MARCHF1: variants seen among roughly 807,000 people sequenced by gnomAD.
MARCHF1 encodes the protein membrane associated ring-CH-type finger 1.
In MARCHF1, 40 loss-of-function variants were observed where a neutral mutation model predicts 54.2. The ratio of observed to expected loss-of-function variants is 0.74; its 90% CI spans 0.57 to 0.96. The LOEUF (loss-of-function observed/expected upper bound fraction) is 0.96, where lower values mean the gene tolerates loss of function less well. Ranked by LOEUF, MARCHF1 falls within the 40% of genes least tolerant of loss-of-function variation. The probability of loss-of-function intolerance (pLI) is 0.00; values close to 1 mark genes in which losing one functional copy is unlikely to be tolerated. For synonymous variants in MARCHF1, 236 were observed against 236.3 expected, an observed-to-expected ratio of 1.00 and a Z score of 0.01; for missense variants, 586 against 656.5, an observed-to-expected ratio of 0.89 and a Z score of 1.17.
chr4:163,934,370 G>A (rs2110731937), intron 3 of MARCHF1, among the ~76,000 whole-genome samples: 1 of 151,880 alleles, frequency 6.6e-6, no homozygotes, highest in South Asian at 2.1e-4. Flanking sequence ...ACAAACCTGG[G>A]CAACATAGAA....
chr4:163,638,504 G>A lies in MARCHF1; in HGVS notation c.163-25111C>T, dbSNP rs147752266. Reference sequence around the variant, plus strand: ...TGATTGAAAGTTTCCTGAGGCCCTCGCCAGAAGCTGAGCACATGCTGGTGC... The same window carrying A: ...TGATTGAAAGTTTCCTGAGGCCCTCACCAGAAGCTGAGCACATGCTGGTGC... On this transcript the variant is annotated intron_variant, in intron 5 of 9. Coordinates refer to ENST00000514618, the MANE Select transcript of MARCHF1 (RefSeq NM_001394959.1). Among the ~76,000 whole-genome samples, 254 of 152,162 alleles carry A rather than the reference G, an allele frequency of 1.7e-3. 1 individual carries two copies. Among genetic ancestry groups the A allele is most frequent in the Non-Finnish European group, 2.7e-3 (187 of 68,000 alleles).
At chr4:163,757,226 A>G (rs6856303) in intron 4 of MARCHF1, among the ~76,000 whole-genome samples, 6,050 of 152,256 alleles carry the variant, frequency 0.04, 398 homozygotes, top group African/African-American at 0.14. Context: ...TATGTGTGCA[A>G]CCTTGAGTTT....
At chr4:163,622,630 G>A (rs1741729776) in intron 5 of MARCHF1, among the ~76,000 whole-genome samples, 2 of 152,060 alleles carry the variant, frequency 1.3e-5, no homozygotes, top group Admixed American at 6.6e-5. Flanking sequence ...TGCACCGTGG[G>A]CTGATTAAAA....
At chr4:163,691,860 A>G (rs35207061) in intron 5 of MARCHF1, among the ~76,000 whole-genome samples, 46,494 of 152,128 alleles carry the variant, frequency 0.31, 8,932 homozygotes, top group Non-Finnish European at 0.44. Flanking sequence ...GCTGATGATC[A>G]TAGCTACTCC....
chr4:163,737,925 CTA>C (rs1199952017), intron 4 of MARCHF1, among the ~76,000 whole-genome samples: 1 of 76,620 alleles, frequency 1.3e-5, no homozygotes, highest in Admixed American at 1.3e-4. Flanking sequence ...ACCCAAAGGA[CTA>C]TAAATCATGC....
At position 163,852,314 on chromosome 4, in the gene MARCHF1, G is replaced by C. The variant is rs1257700306; in HGVS notation, c.111+1707C>G. 7.2e-5 allele frequency among the ~76,000 whole-genome samples: 11 copies of C among 152,276 alleles called. No individual in the cohort carries two copies. The East Asian group carries it at 2.1e-3, about 29-fold the overall frequency. ...TTACCCAATTATAGGCAGAAAGCCA[G>C]TCCAAAAATTTGCTCACAGTTTTTA... On this transcript the variant is annotated intron_variant, in intron 4 of 9. Transcript: ENST00000514618.
intron 5 of MARCHF1, among the ~76,000 whole-genome samples, chr4:163,635,809 C>G (rs1406974119): frequency 6.6e-6 from 1 of 152,140 alleles, no homozygotes; most frequent in Non-Finnish European, 1.5e-5. Flanking sequence ...AATTTTAGAC[C>G]AATATCCCTG....
chr4:163,725,611 T>A (rs1399015046), intron 4 of MARCHF1, among the ~76,000 whole-genome samples: 1 of 152,236 alleles, frequency 6.6e-6, no homozygotes, highest in Non-Finnish European at 1.5e-5. Flanking sequence ...TGCTTTAAAA[T>A]TAATTTAAAA....
At chr4:164,013,333 T>C (rs1245001724) in intron 2 of MARCHF1, among the ~76,000 whole-genome samples, 2 of 151,248 alleles carry the variant, frequency 1.3e-5, no homozygotes, top group Admixed American at 6.6e-5. Flanking sequence ...ATAGGTTATA[T>C]CAATATACAC....
chr4:163,652,774 T>C (rs1297946117), intron 5 of MARCHF1, among the ~76,000 whole-genome samples: 1 of 151,872 alleles, frequency 6.6e-6, no homozygotes, highest in Non-Finnish European at 1.5e-5. Flanking sequence ...CTCATTTGTA[T>C]GCACATTTCC....
chr4:164,105,787 C>T (rs2111169133), intron 2 of MARCHF1, among the ~76,000 whole-genome samples: 1 of 130,244 alleles, frequency 7.7e-6, no homozygotes, highest in East Asian at 2.0e-4. Flanking sequence ...AACTAAAGAG[C>T]TTCTGCACAG....
chr4:164,069,840 A>C (rs1316154125), intron 2 of MARCHF1, among the ~76,000 whole-genome samples: 2 of 152,248 alleles, frequency 1.3e-5, no homozygotes, highest in African/African-American at 4.8e-5. Flanking sequence ...TGAAATTTAC[A>C]ATAGAGAAGA....
chr4:164,247,818 C>G (rs1013424655), intron 1 of MARCHF1, among the ~76,000 whole-genome samples: 1 of 147,562 alleles, frequency 6.8e-6, no homozygotes, highest in Non-Finnish European at 1.5e-5. Context: ...AACATTCCAT[C>G]TAGTATGGGA....
chr4:164,135,851 T>G, intron 1 of MARCHF1, among the ~76,000 whole-genome samples: 1 of 152,200 alleles, frequency 6.6e-6, no homozygotes, highest in African/African-American at 2.4e-5. Context: ...ATGCAGAAAC[T>G]TACGTTTTTC....
At chr4:163,997,970 T>C (rs1225319181) in intron 2 of MARCHF1, among the ~76,000 whole-genome samples, 3 of 150,100 alleles carry the variant, frequency 2.0e-5, no homozygotes, top group African/African-American at 7.4e-5. Flanking sequence ...AGATTCTACA[T>C]GCAAAATGTC....
rs985453008 is a variant in MARCHF1, at chr4:164,250,524, T to C, written c.-323+133346A>G. ...AACTAGGGGAAAATTAAAACTCTTTTAATTTTCCACTTCAAGATTTCTTAA... is the reference window on the plus strand; with the variant it reads ...AACTAGGGGAAAATTAAAACTCTTTCAATTTTCCACTTCAAGATTTCTTAA... On this transcript the variant is annotated intron_variant, in intron 1 of 9. Transcript: ENST00000514618. Among the ~76,000 whole-genome samples, 3 of 152,116 alleles carry C rather than the reference T, an allele frequency of 2.0e-5. No individual in the cohort carries two copies. In the East Asian group the frequency reaches 5.8e-4, roughly 29 times the overall value.
At chr4:164,281,572 G>T (rs2321377) in intron 1 of MARCHF1, among the ~76,000 whole-genome samples, 78,071 of 152,000 alleles carry the variant, frequency 0.51, 23,243 homozygotes, top group Non-Finnish European at 0.69. Flanking sequence ...AAAAACATGT[G>T]TACAGACCAG....
intron 3 of MARCHF1, among the ~76,000 whole-genome samples, chr4:163,881,785 T>C (rs1301924984): frequency 6.6e-6 from 1 of 152,134 alleles, no homozygotes; most frequent in Non-Finnish European, 1.5e-5. Context: ...ATAACCTTAA[T>C]AATAACAGTC....
intron 2 of MARCHF1, among the ~76,000 whole-genome samples, chr4:164,093,755 A>G (rs904784183): frequency 1.3e-5 from 2 of 152,114 alleles, no homozygotes; most frequent in African/African-American, 4.8e-5. Context: ...ACTCCTGGGC[A>G]TCTGTATTCC....
Sources: allele counts gnomAD v4.1 joint callset (sites outside exome capture counted in the v4.1 genomes callset), GRCh38; gene constraint gnomAD v4.1.1; transcripts MANE v1.5; gene names NCBI Gene and HGNC (gene_info 2026-07-23, HGNC 2026-07-21).